Variants in DOCK1 observed in about 807,000 individuals in gnomAD.
The protein encoded by DOCK1 is dedicator of cytokinesis 1, also known as dedicator of cytokinesis protein 1.
DOCK1 carries 138 observed loss-of-function variants against 262.7 expected under a neutral mutation model. That is an observed-to-expected ratio of 0.53 (90% CI 0.46 to 0.61). The LOEUF is 0.61. DOCK1 is among the 20% of genes least tolerant of loss of function. DOCK1 has a pLI of 0.00. For synonymous variants in DOCK1, 866 were observed against 867.4 expected (o/e 1.00, Z 0.03); for missense variants, 1,908 against 2,370.7 (o/e 0.80, Z 4.05).
At chr10:127,335,742 T>C (rs2063162666) in intron 29 of DOCK1, among the ~76,000 whole-genome samples, 2 of 146,684 alleles carry the variant, frequency 1.4e-5, no homozygotes. Flanking sequence ...TGAGATGGAG[T>C]CTCACTCTGT....
At chr10:127,448,927 T>G (rs1040764552) in intron 51 of DOCK1, among the ~76,000 whole-genome samples, 1 of 151,172 alleles carries the variant, frequency 6.6e-6, no homozygotes, top group Non-Finnish European at 1.5e-5. Flanking sequence ...ATGAGAGGAG[T>G]GGAAGAGAGA....
chr10:127,313,374 G>A (rs1290047588), intron 29 of DOCK1, among the ~76,000 whole-genome samples: 1 of 152,182 alleles, frequency 6.6e-6, no homozygotes, highest in Non-Finnish European at 1.5e-5. Flanking sequence ...TGGGTAAATG[G>A]ACAATAGATA....
At chr10:127,231,284 C>G (rs2134564175) in intron 27 of DOCK1, among the ~76,000 whole-genome samples, 1 of 151,846 alleles carries the variant, frequency 6.6e-6, no homozygotes, top group Admixed American at 6.6e-5. Context: ...CCACAAGCCC[C>G]ACCACAAAGT....
intron 29 of DOCK1, among the ~76,000 whole-genome samples, chr10:127,298,156 A>G (rs2148375): frequency 0.043 from 6,620 of 152,252 alleles, 467 homozygotes; most frequent in African/African-American, 0.15. Context: ...GTATTTGTTC[A>G]TGCATACTGT....
intron 27 of DOCK1, among the ~76,000 whole-genome samples, chr10:127,164,650 A>G (rs988405424): frequency 2.6e-5 from 4 of 152,256 alleles, no homozygotes; most frequent in African/African-American, 9.6e-5. Context: ...ACAAATACAG[A>G]GATGAACACT....
intron 50 of DOCK1, 90 bp downstream of exon 50, chr10:127,444,369 TC>T: frequency 2.1e-6 from 3 of 1,414,104 alleles, no homozygotes; most frequent in Non-Finnish European, 2.8e-6. Context: ...GCTTCCTCCC[TC>T]CCCTTGCAGC....
At chr10:126,917,069 A>G (rs1473802777) in intron 1 of DOCK1, among the ~76,000 whole-genome samples, 1 of 151,578 alleles carries the variant, frequency 6.6e-6, no homozygotes, top group East Asian at 2.0e-4. Flanking sequence ...TCAGAATTCC[A>G]GTTTGTCACA....
At chr10:127,008,123 G>A (rs2041171504) in intron 10 of DOCK1, among the ~76,000 whole-genome samples, 1 of 151,944 alleles carries the variant, frequency 6.6e-6, no homozygotes, top group Admixed American at 6.6e-5. Flanking sequence ...TTTGTGGCAG[G>A]GTCTCACTCT....
intron 21 of DOCK1, among the ~76,000 whole-genome samples, chr10:127,052,121 G>C (rs1308238612): frequency 6.6e-6 from 1 of 152,176 alleles, no homozygotes; most frequent in African/African-American, 2.4e-5. Flanking sequence ...TGAAGGCTAA[G>C]TTAGATAATG....
chr10:127,239,345 A>G (rs1353870408), intron 27 of DOCK1, among the ~76,000 whole-genome samples: 2 of 152,198 alleles, frequency 1.3e-5, no homozygotes, highest in African/African-American at 4.8e-5. Flanking sequence ...ATAATCTCAT[A>G]TTTCAAAGTA....
intron 29 of DOCK1, among the ~76,000 whole-genome samples, chr10:127,290,965 T>C (rs1251509455): frequency 6.6e-6 from 1 of 152,172 alleles, no homozygotes; most frequent in Non-Finnish European, 1.5e-5. Context: ...CTAGATCCCA[T>C]GGTAATTGCA....
chr10:127,418,279 G>C (rs2068279396), intron 44 of DOCK1, 86 bp from the exon 45 acceptor site: 6 of 1,409,444 alleles, frequency 4.3e-6, no homozygotes, highest in Non-Finnish European at 5.6e-6. Context: ...CAGGAAGCCT[G>C]CCCCAGAGCA....
chr10:127,101,744 C>A (rs972153353), intron 23 of DOCK1, among the ~76,000 whole-genome samples: 2 of 152,176 alleles, frequency 1.3e-5, no homozygotes, highest in Non-Finnish European at 2.9e-5. Context: ...TTGTTTGTGG[C>A]CGATTCACCC....
chr10:127,345,862 TA>T (rs1382037948), intron 31 of DOCK1, among the ~76,000 whole-genome samples: 1 of 152,218 alleles, frequency 6.6e-6, no homozygotes, highest in African/African-American at 2.4e-5. Flanking sequence ...TGGTGCTTTG[TA>T]ATTGTTGCTG....
At chr10:126,950,484 G>T (rs1420148325) in intron 1 of DOCK1, among the ~76,000 whole-genome samples, 1 of 152,078 alleles carries the variant, frequency 6.6e-6, no homozygotes, top group African/African-American at 2.4e-5. Flanking sequence ...TTGTCTCAAG[G>T]GCTTTCTGGA....
intron 27 of DOCK1, among the ~76,000 whole-genome samples, chr10:127,160,839 A>G (rs2053536077): frequency 6.6e-6 from 1 of 152,196 alleles, no homozygotes; most frequent in Non-Finnish European, 1.5e-5. Context: ...ACTGGATGCA[A>G]CAACCGTTTT....
chr10:127,349,334 T>A (rs2063778310), intron 31 of DOCK1, among the ~76,000 whole-genome samples: 1 of 151,834 alleles, frequency 6.6e-6, no homozygotes, highest in African/African-American at 2.4e-5. Flanking sequence ...ATCCTCAACA[T>A]GTTTCTTCTT....
At chr10:127,392,740 C>T (rs908299328) in intron 38 of DOCK1, among the ~76,000 whole-genome samples, 3 of 152,164 alleles carry the variant, frequency 2.0e-5, no homozygotes, top group Non-Finnish European at 4.4e-5. Context: ...ATGCCTCCCA[C>T]CTCCCCACCC....
chr10:127,334,948 C>T (rs1261536973), intron 29 of DOCK1, among the ~76,000 whole-genome samples: 1 of 152,118 alleles, frequency 6.6e-6, no homozygotes, highest in African/African-American at 2.4e-5. Flanking sequence ...CCGCAGAAAA[C>T]CTACACGGTT....
Sources: gnomAD v4.1 joint callset for allele counts (sites outside exome capture counted in the v4.1 genomes callset) on GRCh38, gnomAD v4.1.1 for gene constraint, MANE v1.5 for transcripts, NCBI Gene and HGNC (gene_info 2026-07-23, HGNC 2026-07-21) for gene names.